EEF2K: variants seen among roughly 807,000 people sequenced by gnomAD.
EEF2K encodes the protein eukaryotic elongation factor 2 kinase.
Under a neutral mutation model 93.8 loss-of-function variants are expected in EEF2K, and 70 were observed. The observed-to-expected ratio is 0.75, with a 90% CI of 0.62 to 0.91. EEF2K has a LOEUF of 0.91. EEF2K is among the 40% of genes least tolerant of loss of function. The pLI, the probability that EEF2K is intolerant of heterozygous loss-of-function variation, is 0.00. For missense variants in EEF2K, 935 were observed against 972.9 expected (o/e 0.96, Z 0.52); for synonymous variants, 376 against 380.8 (o/e 0.99, Z 0.15).
intron 17 of EEF2K, 36 bp from the exon 18 acceptor site, chr16:22,283,851 G>C: frequency 2.6e-6 from 4 of 1,551,494 alleles, no homozygotes; most frequent in Non-Finnish European, 3.5e-6. Context: ...ACAACAGGTG[G>C]TTCACCTCTT....
At chr16:22,266,570 GC>G (rs763021966) in intron 14 of EEF2K, 46 bp downstream of exon 14, 1 of 1,609,192 alleles carries the variant, frequency 6.2e-7, no homozygotes. Context: ...CTAACCTGGA[GC>G]CCCCCAGCTC....
chr16:22,270,950 A>G (rs778141032), intron 15 of EEF2K, among the ~76,000 whole-genome samples: 11 of 150,164 alleles, frequency 7.3e-5, no homozygotes, highest in Non-Finnish European at 1.6e-4. Context: ...GTGTGTATAT[A>G]TATATACATA....
chr16:22,220,293 C>T (rs972231175), intron 1 of EEF2K, among the ~76,000 whole-genome samples: 5 of 152,350 alleles, frequency 3.3e-5, no homozygotes, highest in Middle Eastern at 3.4e-3. Flanking sequence ...GTCTTCATTT[C>T]CCAGGGCCGA....
Position 22,244,643 on chromosome 16 carries a change from A to G in EEF2K, c.260A>G (p.His87Arg). The change falls in exon 3 of 18, where the codon CAC becomes CGC. Residue 87 changes from histidine (H) to arginine (R), a missense_variant. Transcript: ENST00000263026. Reference sequence around the variant, plus strand: ...TGCCTTCCACAGGAAGCCTGGAAGCACGCAATCCAGAAGGCCAAGCACATG... The same window carrying G: ...TGCCTTCCACAGGAAGCCTGGAAGCGCGCAATCCAGAAGGCCAAGCACATG... The part of the protein sequence containing the change: ...NSFHFKEAWK[H>R]AIQKAKHMPD... 6.2e-7 allele frequency: 1 copy of G among 1,613,974 alleles called. No individual in the cohort carries two copies.
intron 6 of EEF2K, 119 bp downstream of exon 6, chr16:22,251,441 T>A (rs1465764960): frequency 3.3e-4 from 358 of 1,100,396 alleles, no homozygotes; most frequent in Non-Finnish European, 4.1e-4. Flanking sequence ...TGAGATGAAG[T>A]CTTGCTCTGT....
chr16:22,267,898 T>G (rs538420484), intron 15 of EEF2K, among the ~76,000 whole-genome samples: 2 of 152,278 alleles, frequency 1.3e-5, no homozygotes, highest in African/African-American at 4.8e-5. Flanking sequence ...CCAGGCAAAG[T>G]GATCTTTTCC....
intron 7 of EEF2K, 127 bp from the exon 8 acceptor site, chr16:22,257,126 C>T (rs2047409506): frequency 4.6e-6 from 7 of 1,515,344 alleles, no homozygotes; most frequent in East Asian, 2.3e-5. Flanking sequence ...AGGCCTTTTT[C>T]CTTTGTCTTT....
At chr16:22,240,561 G>C (rs766677744) in intron 2 of EEF2K, among the ~76,000 whole-genome samples, 48 of 152,206 alleles carry the variant, frequency 3.2e-4, no homozygotes, top group Admixed American at 5.9e-4. Flanking sequence ...ATGTTGGAGG[G>C]AACCCAAACA....
intron 2 of EEF2K, among the ~76,000 whole-genome samples, chr16:22,238,538 TG>T (rs898057860): frequency 6.6e-6 from 1 of 151,534 alleles, no homozygotes; most frequent in African/African-American, 2.4e-5. Context: ...CCCAGCTACC[TG>T]GGAGGCTGAG....
intron 6 of EEF2K, 94 bp downstream of exon 6, chr16:22,251,416 CTT>C (rs113591855): frequency 0.014 from 15,107 of 1,090,724 alleles, no homozygotes; most frequent in East Asian, 0.02. Context: ...ATTTCACCTT[CTT>C]TTTTTTTTTT....
intron 1 of EEF2K, among the ~76,000 whole-genome samples, chr16:22,220,269 G>T (rs966079073): frequency 6.6e-6 from 1 of 152,204 alleles, no homozygotes; most frequent in Non-Finnish European, 1.5e-5. Context: ...TGCCAGGCAG[G>T]GTCACAGCTG....
intron 1 of EEF2K, among the ~76,000 whole-genome samples, chr16:22,210,379 G>A (rs979184984): frequency 2.6e-5 from 4 of 152,188 alleles, no homozygotes; most frequent in African/African-American, 9.7e-5. Context: ...GTGCACATCA[G>A]CATCCCCAGC....
At chr16:22,254,331 C>T (rs1235193121) in intron 6 of EEF2K, among the ~76,000 whole-genome samples, 12 of 152,094 alleles carry the variant, frequency 7.9e-5, no homozygotes, top group Non-Finnish European at 1.8e-4. Context: ...ACCGCCGCTC[C>T]CTGCCTTCCC....
At position 22,264,851 on chromosome 16, in the gene EEF2K, G is replaced by A. The variant is rs765268412; in HGVS notation, c.1411G>A (p.Asp471Asn). 9.9e-6 allele frequency: 16 copies of A among 1,613,912 alleles called. No individual in the cohort carries two copies. Among genetic ancestry groups the A allele is most frequent in the Non-Finnish European group, 1.3e-5 (15 of 1,179,974 alleles). Reference sequence around the variant, plus strand: ...ATACAGTAATCGGAAGTACGAGTCTGACGAAGACAGCCTGGGCAGCTCTGG... The same window carrying A: ...ATACAGTAATCGGAAGTACGAGTCTAACGAAGACAGCCTGGGCAGCTCTGG... ...HSYSNRKYES[D>N]EDSLGSSGRV... The change falls in exon 13 of 18, where the codon GAC becomes AAC. Residue 471 changes from aspartate to asparagine, a missense_variant. Physicochemically the swap from Asp to Asn is conservative, Grantham distance 23 (BLOSUM62 1). Transcript: ENST00000263026.
intron 2 of EEF2K, among the ~76,000 whole-genome samples, chr16:22,232,895 G>A (rs956981264): frequency 5.3e-5 from 8 of 150,286 alleles, no homozygotes; most frequent in East Asian, 3.9e-4. Flanking sequence ...TTTTTTTAAC[G>A]CACTGTGACC....
At chr16:22,258,747 C>A (rs2047434782) in intron 10 of EEF2K, 52 bp downstream of exon 10, 2 of 1,607,232 alleles carry the variant, frequency 1.2e-6, no homozygotes, top group Non-Finnish European at 1.7e-6. Context: ...ACAGGTGGAG[C>A]AGAGCTAAAC....
chr16:22,280,192 G>A lies in EEF2K; in HGVS notation c.1890-6G>A. On this transcript the variant is annotated splice_polypyrimidine_tract_variant and splice_region_variant and intron_variant, in intron 16 of 17. Coordinates refer to ENST00000263026, the MANE Select transcript of EEF2K (RefSeq NM_013302.5). ...CTCCACCTTTCCCTCTGTATCTCCT[G>A]GCAAGGTGCCAAGACTGGCTAGAGG... The A allele has an allele frequency of 6.8e-7, 1 of 1,472,476 alleles. No homozygotes were observed. The highest frequency in any genetic ancestry group is 9.1e-7 in the Non-Finnish European group (1 of 1,104,896). The allele number at this position is 1,472,476 out of a possible 1,614,324, so 91.2% of individuals were successfully genotyped here.
chr16:22,233,933 A>G (rs1275830637), intron 2 of EEF2K, among the ~76,000 whole-genome samples: 1 of 152,144 alleles, frequency 6.6e-6, no homozygotes, highest in Non-Finnish European at 1.5e-5. Flanking sequence ...TGGTTATTTA[A>G]TGGCTGAATA....
In EEF2K at chr16:22,250,522, A is replaced by T. The variant is rs2047339217; in HGVS notation, c.409-132A>T. 5.7e-6 allele frequency: 6 copies of T among 1,056,556 alleles called. No individual in the cohort carries two copies. In the South Asian group the frequency reaches 8.8e-5, roughly 16 times the overall value. The allele number at this position is 1,056,556 out of a possible 1,614,324, so 65.4% of individuals were successfully genotyped here. A position where few individuals can be genotyped will look rare whatever the true frequency, so the allele number is the denominator to read the frequency against. On this transcript the variant is annotated intron_variant, in intron 4 of 17. Transcript: ENST00000263026. ...GCTGAGACATAGAAGGGAGATCCCC[A>T]GGGATTTCAGGATTGAGATGAGGCC...
Sources: allele counts gnomAD v4.1 joint callset (sites outside exome capture counted in the v4.1 genomes callset), GRCh38; gene constraint gnomAD v4.1.1; transcripts MANE v1.5; gene names NCBI Gene and HGNC (gene_info 2026-07-23, HGNC 2026-07-21).